Variants in ROBO1 observed in about 807,000 individuals in gnomAD.
ROBO1 encodes roundabout homolog 1.
In ROBO1, 149 loss-of-function variants were observed where a neutral mutation model predicts 195.9. The ratio of observed to expected loss-of-function variants is 0.76; its 90% CI spans 0.67 to 0.87. The LOEUF is 0.87. ROBO1 is among the 40% of genes least tolerant of loss of function. The pLI, the probability that ROBO1 is intolerant of heterozygous loss-of-function variation, is 0.00. For synonymous variants in ROBO1, 816 were observed against 733.2 expected (o/e 1.11, Z -1.82); for missense variants, 1,933 against 2,068.3 (o/e 0.93, Z 1.27).
chr3:78,623,706 G>A (rs1704586261), intron 26 of ROBO1, among the ~76,000 whole-genome samples: 1 of 152,206 alleles, frequency 6.6e-6, no homozygotes, highest in Non-Finnish European at 1.5e-5. Flanking sequence ...TGTAATGCAG[G>A]TGAGAGAAAA....
rs754291152 is a variant in ROBO1, at chr3:78,668,065, C to T, written c.1800-16G>A. Reference sequence around the variant, plus strand: ...AGATGCATGGCTAAGGATAGACACACAGGTTAGAACATGCGTATTTAATGG... The same window carrying T: ...AGATGCATGGCTAAGGATAGACACATAGGTTAGAACATGCGTATTTAATGG... On this transcript the variant is annotated splice_polypyrimidine_tract_variant and intron_variant, in intron 13 of 30. Coordinates refer to ENST00000464233, the MANE Select transcript of ROBO1 (RefSeq NM_002941.4). The T allele has an allele frequency of 9.9e-6, 16 of 1,611,980 alleles. No individual in the cohort carries two copies. The highest frequency in any genetic ancestry group is 1.3e-5 in the African/African-American group (1 of 74,848).
chr3:78,651,889 G>A lies in ROBO1; in HGVS notation c.2655C>T (p.Ser885=). The A allele has an allele frequency of 6.2e-7, 1 of 1,613,616 alleles. No individual in the cohort carries two copies. Among genetic ancestry groups the A allele is most frequent in the South Asian group, 1.1e-5 (1 of 91,068 alleles). The change falls in exon 19 of 31, where the codon AGC becomes AGT. Residue 885 remains serine, a synonymous_variant. Coordinates refer to ENST00000464233, the MANE Select transcript of ROBO1 (RefSeq NM_002941.4). ...CCACATCTGAAATCTGCTGAGCGAGGCTGACTTGGTCCTCAGGTGACACAG... is the reference window on the plus strand; with the variant it reads ...CCACATCTGAAATCTGCTGAGCGAGACTGACTTGGTCCTCAGGTGACACAG... ...GNPVSPEDQV[S]LAQQISDVVK...
At chr3:78,735,915 C>T (rs927771391) in intron 5 of ROBO1, among the ~76,000 whole-genome samples, 2 of 152,074 alleles carry the variant, frequency 1.3e-5, no homozygotes, top group East Asian at 1.9e-4. Context: ...CGTAAACCAA[C>T]GGGCTTGGCA....
intron 4 of ROBO1, among the ~76,000 whole-genome samples, chr3:78,749,837 A>G (rs1193357841): frequency 1.3e-5 from 2 of 152,186 alleles, no homozygotes; most frequent in African/African-American, 4.8e-5. Flanking sequence ...TAACCAAAGT[A>G]TATATACTTT....
At chr3:78,850,280 G>A (rs1175734095) in intron 4 of ROBO1, among the ~76,000 whole-genome samples, 1 of 152,122 alleles carries the variant, frequency 6.6e-6, no homozygotes, top group East Asian at 1.9e-4. Flanking sequence ...TCAAATGTGT[G>A]TTAATAAGCT....
intron 2 of ROBO1, among the ~76,000 whole-genome samples, chr3:79,500,645 G>A (rs570397568): frequency 5.3e-5 from 8 of 152,250 alleles, no homozygotes; most frequent in South Asian, 4.1e-4. Flanking sequence ...TCTAGGAAAC[G>A]CCTTTTTCAT....
chr3:78,954,888 T>C (rs1050652248), intron 3 of ROBO1, among the ~76,000 whole-genome samples: 4 of 152,114 alleles, frequency 2.6e-5, no homozygotes, highest in Non-Finnish European at 5.9e-5. Flanking sequence ...TTGTTCTCAA[T>C]TTAAATTTCT....
chr3:79,088,532 C>T (rs913350926), intron 3 of ROBO1, among the ~76,000 whole-genome samples: 3 of 152,018 alleles, frequency 2.0e-5, no homozygotes, highest in African/African-American at 7.2e-5. Context: ...TGAAAATAAA[C>T]ACAGTGAGCA....
chr3:78,806,987 T>C (rs970023762), intron 4 of ROBO1, among the ~76,000 whole-genome samples: 3 of 152,018 alleles, frequency 2.0e-5, no homozygotes, highest in African/African-American at 7.2e-5. Flanking sequence ...TTTGTATTTT[T>C]AGTAGAGATG....
chr3:78,848,499 T>C (rs919394154), intron 4 of ROBO1, among the ~76,000 whole-genome samples: 1 of 152,106 alleles, frequency 6.6e-6, no homozygotes, highest in African/African-American at 2.4e-5. Context: ...GAGGTGCAGG[T>C]TGCTGTTATA....
chr3:79,656,965 C>G (rs1447696998), intron 1 of ROBO1, among the ~76,000 whole-genome samples: 1 of 151,892 alleles, frequency 6.6e-6, no homozygotes, highest in Non-Finnish European at 1.5e-5. Flanking sequence ...TAGAAAAGGG[C>G]TGAAGCCATT....
At chr3:79,149,843 C>CTGGG (rs2080731041) in intron 2 of ROBO1, among the ~76,000 whole-genome samples, 1 of 151,726 alleles carries the variant, frequency 6.6e-6, no homozygotes. Flanking sequence ...GTACGTTAGG[C>CTGGG]CCTTATAAAA....
chr3:78,693,502 G>A, intron 8 of ROBO1: 1 of 578,920 alleles, frequency 1.7e-6, no homozygotes. Flanking sequence ...GGCTCACACT[G>A]TACATGGATG....
At chr3:78,641,328 T>G (rs1034365577) in intron 21 of ROBO1, among the ~76,000 whole-genome samples, 1 of 152,188 alleles carries the variant, frequency 6.6e-6, no homozygotes, top group Admixed American at 6.6e-5. Context: ...CACTCTAAGA[T>G]TTTATAAACA....
At chr3:79,639,588 A>G (rs1190240223) in intron 1 of ROBO1, among the ~76,000 whole-genome samples, 1 of 152,174 alleles carries the variant, frequency 6.6e-6, no homozygotes, top group African/African-American at 2.4e-5. Context: ...AATAGTTAAG[A>G]ATGCTGCAAG....
At chr3:79,543,579 A>T (rs1256270227) in intron 2 of ROBO1, among the ~76,000 whole-genome samples, 1 of 152,102 alleles carries the variant, frequency 6.6e-6, no homozygotes, top group Non-Finnish European at 1.5e-5. Flanking sequence ...TTAACATGTC[A>T]CTAAATTGAT....
Position 79,421,076 on chromosome 3 carries a change from A to G in ROBO1, c.88+168748T>C, listed in dbSNP as rs146798017. ...AATAGAGAATGTCCTTTGCAACAACATGGATGGATCTGGAAGCTATTGTCC... is the reference window on the plus strand; with the variant it reads ...AATAGAGAATGTCCTTTGCAACAACGTGGATGGATCTGGAAGCTATTGTCC... On this transcript the variant is annotated intron_variant, in intron 2 of 30. Transcript: ENST00000464233. Among the ~76,000 whole-genome samples, 579 of 152,230 alleles carry G rather than the reference A, an allele frequency of 3.8e-3. 2 individuals carry two copies. The highest frequency in any genetic ancestry group is 7.1e-3 in the Admixed American group (108 of 15,276).
chr3:78,801,948 T>C (rs1213997904), intron 4 of ROBO1, among the ~76,000 whole-genome samples: 6 of 152,268 alleles, frequency 3.9e-5, no homozygotes, highest in Non-Finnish European at 1.5e-5. Context: ...GTATTTGCTT[T>C]TTAGTGTGAT....
intron 4 of ROBO1, among the ~76,000 whole-genome samples, chr3:78,852,726 AC>A (rs1403983273): frequency 2.0e-5 from 3 of 152,128 alleles, no homozygotes; most frequent in Non-Finnish European, 2.9e-5. Flanking sequence ...AGGCAATAGG[AC>A]CCTTTGAGAG....
Sources: gnomAD v4.1 joint callset for allele counts (sites outside exome capture counted in the v4.1 genomes callset) on GRCh38, gnomAD v4.1.1 for gene constraint, MANE v1.5 for transcripts, NCBI Gene and HGNC (gene_info 2026-07-23, HGNC 2026-07-21) for gene names.